Variants in DPF3 observed in about 807,000 individuals in gnomAD.
DPF3 encodes zinc finger protein DPF3.
A neutral mutation model predicts 56.8 loss-of-function variants in DPF3; 18 were observed. That is an observed-to-expected ratio of 0.32 (90% CI 0.22 to 0.47). The LOEUF (loss-of-function observed/expected upper bound fraction) is 0.47. Ranked by LOEUF, DPF3 falls within the 20% of genes least tolerant of loss-of-function variation. The pLI is 1.00. For missense variants in DPF3, 403 were observed against 488.8 expected, an observed-to-expected ratio of 0.82 and a Z score of 1.65; for synonymous variants, 188 against 180.2, an observed-to-expected ratio of 1.04 and a Z score of -0.35.
At chr14:72,853,034 C>CGCGTGTGTGTGTGTGTGT (rs1885040013) in intron 1 of DPF3, among the ~76,000 whole-genome samples, 2 of 144,002 alleles carry the variant, frequency 1.4e-5, no homozygotes, top group Non-Finnish European at 3.0e-5. Flanking sequence ...CATAGCCTTG[C>CGCGTGTGTGTGTGTGTGT]GTGTGTGTGT....
At chr14:72,714,645 GC>G in intron 5 of DPF3, 144 bp from the exon 6 acceptor site, 1 of 826,574 alleles carries the variant, frequency 1.2e-6, no homozygotes, top group Non-Finnish European at 1.9e-6. Context: ...GGAAACTGAG[GC>G]CCAGAGAGGT....
chr14:72,859,673 C>T lies in DPF3; in HGVS notation c.32+34384G>A, dbSNP rs1013250826. ...GGTAGAACAGCTTGACTACTGGGGG[C>T]GAGGGTCACAGTTCACTCATTCCCC... On this transcript the variant is annotated intron_variant, in intron 1 of 10. Coordinates refer to ENST00000556509, the MANE Select transcript of DPF3 (RefSeq NM_001280542.3). 4.6e-5 allele frequency among the ~76,000 whole-genome samples: 7 copies of T among 152,158 alleles called. 1 individual carries two copies. In the East Asian group the frequency reaches 5.8e-4, roughly 13 times the overall value.
At chr14:72,630,666 A>T (rs1567183101) in intron 8 of DPF3, among the ~76,000 whole-genome samples, 1 of 152,188 alleles carries the variant, frequency 6.6e-6, no homozygotes, top group Non-Finnish European at 1.5e-5. Flanking sequence ...AACTTGGATG[A>T]CATTCCCAAG....
chr14:72,663,539 C>A (rs1018487826), intron 8 of DPF3, among the ~76,000 whole-genome samples: 3 of 152,196 alleles, frequency 2.0e-5, no homozygotes, highest in African/African-American at 4.8e-5. Context: ...CACAGGTGGG[C>A]CCTTTTGCCT....
chr14:72,794,015 A>T (rs1345781026), intron 1 of DPF3, among the ~76,000 whole-genome samples: 1 of 152,218 alleles, frequency 6.6e-6, no homozygotes, highest in East Asian at 1.9e-4. Context: ...TGCCTATTCC[A>T]TGCCATGCTG....
In DPF3 at chr14:72,620,757, G is replaced by A. The variant is rs553634816; in HGVS notation, c.985-773C>T. Reference sequence around the variant, plus strand: ...TCAACTGGAAGTTGTCTCTTCCCTCGTGCAGCCCTGTGGTACTTTCCCTTT... The same window carrying A: ...TCAACTGGAAGTTGTCTCTTCCCTCATGCAGCCCTGTGGTACTTTCCCTTT... On this transcript the variant is annotated intron_variant, in intron 9 of 10. Coordinates refer to ENST00000556509, the MANE Select transcript of DPF3 (RefSeq NM_001280542.3). Among the ~76,000 whole-genome samples, 8 of 152,220 alleles carry A rather than the reference G, an allele frequency of 5.3e-5. No homozygotes were observed. In the South Asian group the frequency reaches 1.0e-3, roughly 20 times the overall value.
At chr14:72,738,676 A>C (rs1890003065) in intron 3 of DPF3, among the ~76,000 whole-genome samples, 1 of 152,194 alleles carries the variant, frequency 6.6e-6, no homozygotes, top group Admixed American at 6.5e-5. Flanking sequence ...AGTGTCAGTC[A>C]GACAGGATGA....
At chr14:72,651,954 TCA>T (rs1432630486) in intron 8 of DPF3, among the ~76,000 whole-genome samples, 2 of 152,154 alleles carry the variant, frequency 1.3e-5, no homozygotes, top group African/African-American at 4.8e-5. Context: ...GCAACAGGAC[TCA>T]CAGCCAGGAT....
chr14:72,849,711 CCTT>C (rs1884897813), intron 1 of DPF3, among the ~76,000 whole-genome samples: 3 of 152,192 alleles, frequency 2.0e-5, no homozygotes, highest in Admixed American at 6.5e-5. Context: ...GGCAAGGTGG[CCTT>C]TATCCCAGAG....
At chr14:72,622,134 A>G (rs988042553) in intron 9 of DPF3, among the ~76,000 whole-genome samples, 1 of 152,216 alleles carries the variant, frequency 6.6e-6, no homozygotes, top group African/African-American at 2.4e-5. Context: ...TGATACACAC[A>G]ATTTTGTACA....
chr14:72,890,655 T>A (rs1886715728), intron 1 of DPF3, among the ~76,000 whole-genome samples: 1 of 152,208 alleles, frequency 6.6e-6, no homozygotes, highest in South Asian at 2.1e-4. Flanking sequence ...CTTGTATATG[T>A]AAGAAATGAG....
intron 1 of DPF3, among the ~76,000 whole-genome samples, chr14:72,814,724 C>T (rs4606656): frequency 0.88 from 133,633 of 151,984 alleles, 58,859 homozygotes; most frequent in South Asian, 0.97. Flanking sequence ...CTGAGGAGAA[C>T]TGCTTAACCG....
At chr14:72,700,384 G>T (rs1888106551) in intron 6 of DPF3, among the ~76,000 whole-genome samples, 1 of 152,132 alleles carries the variant, frequency 6.6e-6, no homozygotes, top group South Asian at 2.1e-4. Flanking sequence ...TTTTCATTTT[G>T]CAGTGGACCC....
At chr14:72,885,497 G>A (rs140695143) in intron 1 of DPF3, among the ~76,000 whole-genome samples, 3,544 of 151,978 alleles carry the variant, frequency 0.023, 137 homozygotes, top group African/African-American at 0.08. Context: ...TCAACCTCCC[G>A]GGCTCAAGCC....
rs10144028 is a variant in DPF3, at chr14:72,622,855, C to G, written c.985-2871G>C. Among the ~76,000 whole-genome samples, 225 of 152,282 alleles carry G rather than the reference C, an allele frequency of 1.5e-3. 1 individual carries two copies. The highest frequency in any genetic ancestry group is 5.2e-3 in the African/African-American group (218 of 41,546). ...TCCTAGTGCCCCAACAACCTCACCC[C>G]CTGACTCCTCCTCAAAGGCTCTGCC... On this transcript the variant is annotated intron_variant, in intron 9 of 10. Coordinates refer to ENST00000556509, the MANE Select transcript of DPF3 (RefSeq NM_001280542.3).
intron 6 of DPF3, among the ~76,000 whole-genome samples, chr14:72,693,583 T>C (rs894990150): frequency 1.3e-5 from 2 of 152,190 alleles, no homozygotes; most frequent in Non-Finnish European, 2.9e-5. Flanking sequence ...TTTATCTCTA[T>C]GCAAAGTACT....
intron 5 of DPF3, among the ~76,000 whole-genome samples, chr14:72,723,108 C>CA (rs1889251661): frequency 6.6e-6 from 1 of 152,002 alleles, no homozygotes; most frequent in African/African-American, 2.4e-5. Flanking sequence ...CATATGCATA[C>CA]ATGTGCCATG....
At chr14:72,887,125 G>A (rs1886576257) in intron 1 of DPF3, among the ~76,000 whole-genome samples, 1 of 149,356 alleles carries the variant, frequency 6.7e-6, no homozygotes, top group Non-Finnish European at 1.5e-5. Context: ...AGGACTGGCT[G>A]GAAAATTGGT....
chr14:72,756,898 A>AAAG (rs1555504003), intron 2 of DPF3, among the ~76,000 whole-genome samples: 1,021 of 41,666 alleles, frequency 0.025, 3 homozygotes, highest in African/African-American at 0.047. Flanking sequence ...AGAAAGAAAG[A>AAAG]AAAGAAAAAA....
Sources: gnomAD v4.1 joint callset for allele counts (sites outside exome capture counted in the v4.1 genomes callset) on GRCh38, gnomAD v4.1.1 for gene constraint, MANE v1.5 for transcripts, NCBI Gene and HGNC (gene_info 2026-07-23, HGNC 2026-07-21) for gene names.